Variants in TBC1D1 observed in about 807,000 individuals in gnomAD.
TBC1D1 encodes TBC1 (tre-2/USP6, BUB2, cdc16) domain family, member 1.
A neutral mutation model predicts 125.6 loss-of-function variants in TBC1D1; 89 were observed. The observed-to-expected ratio is 0.71, with a 90% CI of 0.60 to 0.85. The LOEUF (loss-of-function observed/expected upper bound fraction) is 0.85. Among genes scored for constraint, TBC1D1 ranks in the 40% least tolerant of loss-of-function variants. TBC1D1 has a pLI of 0.00. For missense variants in TBC1D1, 1,377 were observed against 1,469.2 expected, an observed-to-expected ratio of 0.94 and a Z score of 1.03; for synonymous variants, 565 against 564.1, an observed-to-expected ratio of 1.00 and a Z score of -0.02.
chr4:37,999,552 TGACAGGTGTTACAGCAGAAGACCAG>T (rs1176212715), intron 2 of TBC1D1, among the ~76,000 whole-genome samples: 2 of 151,706 alleles, frequency 1.3e-5, no homozygotes, highest in Non-Finnish European at 2.9e-5. Context: ...CTCAGGGCTA[TGACAGGTGTTACAGCAGAAGACCAG>T]GTGCCCTCAG....
intron 7 of TBC1D1, among the ~76,000 whole-genome samples, chr4:38,034,961 C>A (rs2152456918): frequency 6.6e-6 from 1 of 152,300 alleles, no homozygotes; most frequent in Non-Finnish European, 1.5e-5. Flanking sequence ...AATTAAGGGG[C>A]TTGGCTTCAC....
chr4:38,078,081 C>T (rs1161571148), intron 12 of TBC1D1, among the ~76,000 whole-genome samples: 3 of 152,112 alleles, frequency 2.0e-5, no homozygotes, highest in East Asian at 1.9e-4. Flanking sequence ...CAGCACAGGT[C>T]GGTGGCCACG....
chr4:38,061,235 A>C (rs955645045), intron 12 of TBC1D1, among the ~76,000 whole-genome samples: 8 of 152,136 alleles, frequency 5.3e-5, no homozygotes, highest in African/African-American at 1.9e-4. Context: ...CACAGGAGAC[A>C]CAGTGTGGGC....
intron 1 of TBC1D1, among the ~76,000 whole-genome samples, chr4:37,896,497 G>A (rs1714657280): frequency 6.6e-6 from 1 of 152,082 alleles, no homozygotes; most frequent in South Asian, 2.1e-4. Flanking sequence ...CACAATGTTG[G>A]GGACATTTGG....
chr4:37,983,017 A>G (rs1428893574), intron 2 of TBC1D1, among the ~76,000 whole-genome samples: 1 of 151,856 alleles, frequency 6.6e-6, no homozygotes, highest in African/African-American at 2.4e-5. Context: ...GGAGTAGCAG[A>G]GGCGAATGAG....
At chr4:37,893,724 G>A (rs138843693) in intron 1 of TBC1D1, among the ~76,000 whole-genome samples, 2,487 of 152,282 alleles carry the variant, frequency 0.016, 39 homozygotes, top group Non-Finnish European at 0.029. Context: ...TATTTGGGAG[G>A]CTGAGACAGG....
chr4:37,956,523 A>G (rs1331790861), intron 2 of TBC1D1, among the ~76,000 whole-genome samples: 2 of 152,196 alleles, frequency 1.3e-5, no homozygotes, highest in East Asian at 1.9e-4. Context: ...CCAGCAGACT[A>G]TCCTCATTGT....
intron 2 of TBC1D1, among the ~76,000 whole-genome samples, chr4:37,908,352 C>A (rs1315302826): frequency 6.6e-6 from 1 of 152,074 alleles, no homozygotes; most frequent in Admixed American, 6.5e-5. Context: ...ATTACAGGCG[C>A]CCGCCACCAC....
In TBC1D1 at chr4:38,027,797, C is replaced by G. The variant is rs779404149; in HGVS notation, c.1220C>G (p.Ser407Cys). 1.2e-5 allele frequency: 19 copies of G among 1,609,514 alleles called. No individual in the cohort carries two copies. The highest frequency in any genetic ancestry group is 1.6e-5 in the Non-Finnish European group (19 of 1,178,586). The change falls in exon 7 of 20, where the codon TCT becomes TGT. Residue 407 changes from serine (S) to cysteine (C), a missense_variant. Physicochemically the swap from Ser to Cys is moderately radical, Grantham distance 112. Coordinates refer to ENST00000261439, the MANE Select transcript of TBC1D1 (RefSeq NM_015173.4). ...TTTTTTCTCTTAATAGGAATGAATT[C>G]TTCCAAAACAAAACTAGAACTGCAA...
chr4:38,077,674 T>A (rs1017745325), intron 12 of TBC1D1, among the ~76,000 whole-genome samples: 6 of 151,942 alleles, frequency 3.9e-5, no homozygotes, highest in African/African-American at 1.5e-4. Flanking sequence ...TGTCTGATTT[T>A]ACATTAAAAG....
At chr4:38,028,137 A>C (rs1745426315) in intron 7 of TBC1D1, among the ~76,000 whole-genome samples, 1 of 152,004 alleles carries the variant, frequency 6.6e-6, no homozygotes, top group South Asian at 2.1e-4. Flanking sequence ...AAACAAAAAA[A>C]ACAGCAAAAA....
intron 2 of TBC1D1, among the ~76,000 whole-genome samples, chr4:37,911,707 T>A (rs532579185): frequency 1.3e-5 from 2 of 152,322 alleles, no homozygotes; most frequent in African/African-American, 4.8e-5. Flanking sequence ...TGTGTTTTGC[T>A]GGGTGCTGGG....
At chr4:38,090,947 G>C (rs1758320955) in intron 13 of TBC1D1, among the ~76,000 whole-genome samples, 1 of 152,168 alleles carries the variant, frequency 6.6e-6, no homozygotes, top group Non-Finnish European at 1.5e-5. Context: ...AAATGACCTT[G>C]ATGCTTGTAT....
At chr4:38,096,142 G>T in intron 14 of TBC1D1, 52 bp downstream of exon 16, 1 of 1,485,496 alleles carries the variant, frequency 6.7e-7, no homozygotes, top group South Asian at 1.3e-5. Context: ...TTGGTGATTG[G>T]GGAGAAGTGT....
chr4:38,056,810 G>C (rs187610534), intron 12 of TBC1D1, among the ~76,000 whole-genome samples: 2,004 of 150,056 alleles, frequency 0.013, 42 homozygotes, highest in African/African-American at 0.047. Flanking sequence ...CTTGTCTCGC[G>C]GGGTGGGGGA....
intron 12 of TBC1D1, among the ~76,000 whole-genome samples, chr4:38,068,252 C>G: frequency 6.6e-6 from 1 of 152,200 alleles, no homozygotes; most frequent in East Asian, 1.9e-4. Context: ...ACCGAGTTAC[C>G]TGGCTGGTCA....
At chr4:37,910,648 G>T (rs1209300053) in intron 2 of TBC1D1, among the ~76,000 whole-genome samples, 1 of 152,106 alleles carries the variant, frequency 6.6e-6, no homozygotes, top group Admixed American at 6.6e-5. Flanking sequence ...CCAGAGACTG[G>T]GAAGGGTAGT....
rs1311761859 is a variant in TBC1D1, at chr4:38,138,504, G to T, written c.*1169G>T. 6.6e-6 allele frequency: 1 copy of T among 152,570 alleles called. No individual in the cohort carries two copies. Among genetic ancestry groups the T allele is most frequent in the Admixed American group, 6.5e-5 (1 of 15,284 alleles). 9.5% of individuals were successfully genotyped at this position (152,570 alleles called of 1,614,324 possible). A position where few individuals can be genotyped will look rare whatever the true frequency, so the allele number is the denominator to read the frequency against. Reference sequence around the variant, plus strand: ...TGAAACTGCAGTCAGATTTATGACAGCTGACAGTTTTTCAGAGGTCGCACA... The same window carrying T: ...TGAAACTGCAGTCAGATTTATGACATCTGACAGTTTTTCAGAGGTCGCACA... On this transcript the variant is annotated 3_prime_UTR_variant, in exon 20 of 20. Coordinates refer to ENST00000261439, the MANE Select transcript of TBC1D1 (RefSeq NM_015173.4).
chr4:38,065,750 A>G (rs1753617508), intron 12 of TBC1D1, among the ~76,000 whole-genome samples: 1 of 148,180 alleles, frequency 6.7e-6, no homozygotes, highest in Non-Finnish European at 1.5e-5. Flanking sequence ...GGTTCAAGCT[A>G]TTCTCATGCT....
Sources: allele counts gnomAD v4.1 joint callset (sites outside exome capture counted in the v4.1 genomes callset), GRCh38; gene constraint gnomAD v4.1.1; transcripts MANE v1.5; gene names NCBI Gene and HGNC (gene_info 2026-07-23, HGNC 2026-07-21).